JAKMIP3: variants seen among roughly 807,000 people sequenced by gnomAD.
JAKMIP3 encodes janus kinase and microtubule-interacting protein 3.
Under a neutral mutation model 118.5 loss-of-function variants are expected in JAKMIP3, and 58 were observed. That is an observed-to-expected ratio of 0.49 (90% CI 0.40 to 0.61). The LOEUF is 0.61. Among genes scored for constraint, JAKMIP3 ranks in the 20% least tolerant of loss-of-function variants. The pLI is 0.00. For missense variants in JAKMIP3, 950 were observed against 1,109.0 expected, an observed-to-expected ratio of 0.86 and a Z score of 2.04; for synonymous variants, 486 against 451.2, an observed-to-expected ratio of 1.08 and a Z score of -0.98.
chr10:132,054,257 G>C (rs930630081), intron 1 of JAKMIP3, among the ~76,000 whole-genome samples: 12 of 151,778 alleles, frequency 7.9e-5, no homozygotes, highest in African/African-American at 2.7e-4. Context: ...GCTCAGGGAA[G>C]GTTCTGTGAA....
intron 19 of JAKMIP3, among the ~76,000 whole-genome samples, chr10:132,156,086 C>T (rs144577277): frequency 6.0e-4 from 91 of 152,282 alleles, no homozygotes; most frequent in African/African-American, 2.1e-3. Context: ...GTGCCCCAGA[C>T]CATCCAAACT....
chr10:132,131,052 G>A (rs1198525516), intron 3 of JAKMIP3, among the ~76,000 whole-genome samples: 4 of 151,906 alleles, frequency 2.6e-5, no homozygotes, highest in African/African-American at 9.7e-5. Context: ...CCTCAGCGTC[G>A]GCCTGCACAC....
chr10:132,095,595 C>A (rs2043744004), intron 1 of JAKMIP3, among the ~76,000 whole-genome samples: 2 of 152,218 alleles, frequency 1.3e-5, no homozygotes, highest in Admixed American at 1.3e-4. Flanking sequence ...CAATCTGCTA[C>A]CTTCAGAGGG....
At chr10:132,157,819 T>A (rs2057276341) in intron 19 of JAKMIP3, among the ~76,000 whole-genome samples, 1 of 152,212 alleles carries the variant, frequency 6.6e-6, no homozygotes, top group Admixed American at 6.5e-5. Context: ...GAATGGGACA[T>A]GGCAAATATT....
chr10:132,087,882 G>A (rs113541860), intron 1 of JAKMIP3, among the ~76,000 whole-genome samples: 38,227 of 151,446 alleles, frequency 0.25, 5,148 homozygotes, highest in East Asian at 0.41. Context: ...GACAGGCCCC[G>A]GTGTGTGATG....
chr10:132,100,639 C>G (rs2044715720), intron 1 of JAKMIP3, among the ~76,000 whole-genome samples: 1 of 152,230 alleles, frequency 6.6e-6, no homozygotes, highest in African/African-American at 2.4e-5. Context: ...GCTCCGTCAC[C>G]TGCCAACAGC....
Position 132,097,857 on chromosome 10 carries a change from CCCTT to C in JAKMIP3, c.-137-6798_-137-6795del, listed in dbSNP as rs10593432. 3.1e-4 allele frequency among the ~76,000 whole-genome samples: 36 copies of C among 117,818 alleles called. No individual in the cohort carries two copies. In the East Asian group the frequency reaches 6.9e-3, roughly 23 times the overall value. 77.3% of individuals were successfully genotyped at this position (117,818 alleles called of 152,430 possible). A position where few individuals can be genotyped will look rare whatever the true frequency, so the allele number is the denominator to read the frequency against. On this transcript the variant is annotated intron_variant, in intron 1 of 23. Coordinates refer to ENST00000684848, the MANE Select transcript of JAKMIP3 (RefSeq NM_001323087.2). ...CCTAAGCTTCCTATCACAGAGATTG[CCCTT>C]CCTTCCTTCCTTCCTTTTATTTTCT...
upstream of JAKMIP3, among the ~76,000 whole-genome samples, chr10:132,062,696 G>A (rs2038436971): frequency 1.3e-5 from 2 of 152,242 alleles, no homozygotes; most frequent in South Asian, 4.1e-4. Flanking sequence ...TAAAAATACA[G>A]AAGCCATGCA....
At chr10:132,176,760 T>C (rs946689731) in intron 23 of JAKMIP3, among the ~76,000 whole-genome samples, 3 of 151,972 alleles carry the variant, frequency 2.0e-5, no homozygotes, top group Admixed American at 6.6e-5. Flanking sequence ...TGCTGGGGCT[T>C]TACCTCCCCT....
rs570089524 is a variant in JAKMIP3, at chr10:132,138,200, CGTGCGGAGAGTACGCCGGGTGT to C, written c.1344+33_1344+54del. ...CAAGGTAAGGAACAGCACACCGGCA[CGTGCGGAGAGTACGCCGGGTGT>C]GTGCGGAGAGGACCACGCCCGCGTG... On this transcript the variant is annotated intron_variant, in intron 9 of 23. Transcript: ENST00000684848. The C allele has an allele frequency of 2.2e-3, 3,531 of 1,598,804 alleles. 54 individuals are homozygous for C. The African/African-American group carries it at 0.03, about 14-fold the overall frequency.
rs1037016705 is a variant in JAKMIP3 at position 132,118,442 on chromosome 10, C to T, written c.633+868C>T. 2.0e-5 allele frequency among the ~76,000 whole-genome samples: 3 copies of T among 152,178 alleles called. No homozygotes were observed. Among genetic ancestry groups the T allele is most frequent in the Admixed American group, 6.5e-5 (1 of 15,284 alleles). On this transcript the variant is annotated intron_variant, in intron 3 of 23. Coordinates refer to ENST00000684848, the MANE Select transcript of JAKMIP3 (RefSeq NM_001323087.2). The surrounding 1 kb of genome is among the most constrained non-coding windows in gnomAD (Gnocchi z 4.8). ...CCTGTGCCTCTTCAGGACCCGGAGC[C>T]CCGGGCACCTTGGGTGGGATGCAGT...
At chr10:132,043,059 A>C (rs973100393) in intron 1 of JAKMIP3, among the ~76,000 whole-genome samples, 5 of 151,952 alleles carry the variant, frequency 3.3e-5, no homozygotes, top group African/African-American at 1.2e-4. Flanking sequence ...ACACCACTGC[A>C]CTCCAGCCTG....
intron 23 of JAKMIP3, among the ~76,000 whole-genome samples, chr10:132,180,044 G>A (rs2060579367): frequency 6.6e-6 from 1 of 152,136 alleles, no homozygotes; most frequent in African/African-American, 2.4e-5. Context: ...CTACTCAGTT[G>A]TGCGCCCCCC....
intron 1 of JAKMIP3, among the ~76,000 whole-genome samples, chr10:132,042,406 C>T (rs1397612172): frequency 6.6e-6 from 1 of 152,140 alleles, no homozygotes; most frequent in African/African-American, 2.4e-5. Flanking sequence ...AGACGGGTCT[C>T]TCTCTTGTCC....
intron 1 of JAKMIP3, among the ~76,000 whole-genome samples, chr10:132,072,001 G>T (rs550090120): frequency 1.2e-4 from 17 of 143,578 alleles, no homozygotes; most frequent in African/African-American, 4.2e-4. Context: ...ACCCAGTCTG[G>T]AGTGCAATGG....
rs548453200 is a variant in JAKMIP3, at chr10:132,149,140, A to G, written c.1849-272A>G. On this transcript the variant is annotated intron_variant, in intron 14 of 23. Coordinates refer to ENST00000684848, the MANE Select transcript of JAKMIP3 (RefSeq NM_001323087.2). ...CACTGAGGGATGTGCCCGTGGGCTC[A>G]GGGTGGGACTGCCCAGGCCACGTGG... Among the ~76,000 whole-genome samples, 5 of 152,190 alleles carry G rather than the reference A, an allele frequency of 3.3e-5. No homozygotes were observed. In the South Asian group the frequency reaches 1.0e-3, roughly 32 times the overall value.
At chr10:132,163,496 C>T (rs962730262) in intron 20 of JAKMIP3, 84 bp downstream of exon 20, 20 of 1,220,470 alleles carry the variant, frequency 1.6e-5, no homozygotes, top group Non-Finnish European at 2.3e-5. Flanking sequence ...CACGGCCACA[C>T]CTCCAACCAC....
rs1016255069 is a variant in JAKMIP3 at position 132,112,992 on chromosome 10, C to A, written c.136-4085C>A. ...TAGGGTTTGAAAGACTGTGACCGTC[C>A]CACTTTCTAAAGCGTGACTTACTGA... On this transcript the variant is annotated intron_variant, in intron 2 of 23. Coordinates refer to ENST00000684848, the MANE Select transcript of JAKMIP3 (RefSeq NM_001323087.2). This position sits in a 1 kb window ranked among gnomAD's most constrained non-coding sequence, Gnocchi z 4.3. 2.0e-5 allele frequency among the ~76,000 whole-genome samples: 3 copies of A among 152,154 alleles called. No individual in the cohort carries two copies. Among genetic ancestry groups the A allele is most frequent in the African/African-American group, 7.2e-5 (3 of 41,424 alleles).
intron 1 of JAKMIP3, among the ~76,000 whole-genome samples, chr10:132,093,580 G>A (rs7904861): frequency 0.056 from 8,476 of 152,274 alleles, 477 homozygotes; most frequent in East Asian, 0.16. Context: ...TGCTAAGACC[G>A]TTGGAAGAGC....
Sources: allele counts gnomAD v4.1 joint callset (sites outside exome capture counted in the v4.1 genomes callset), GRCh38; gene constraint gnomAD v4.1.1; non-coding constraint Gnocchi (gnomAD v3.1); transcripts MANE v1.5; gene names NCBI Gene and HGNC (gene_info 2026-07-23, HGNC 2026-07-21).